The following RAB38 variants were observed in gnomAD, a reference collection of about 807,000 sequenced individuals.
The protein encoded by RAB38 is RAB38, member RAS oncogene family.
Under a neutral mutation model 18.4 loss-of-function variants are expected in RAB38, and 15 were observed. The ratio of observed to expected loss-of-function variants is 0.82; its 90% CI spans 0.55 to 1.26. The LOEUF (loss-of-function observed/expected upper bound fraction) is 1.26, where lower values mean the gene tolerates loss of function less well. Ranked by LOEUF, RAB38 falls within the 50% of genes most tolerant of loss-of-function variation. The probability of loss-of-function intolerance (pLI) is 0.00; values close to 1 mark genes in which losing one functional copy is unlikely to be tolerated. For missense variants in RAB38, 294 were observed against 267.4 expected, an observed-to-expected ratio of 1.10 and a Z score of -0.69; for synonymous variants, 101 against 104.4, an observed-to-expected ratio of 0.97 and a Z score of 0.20.
At chr11:87,928,546 GT>G in the RAB38 span, among the ~76,000 whole-genome samples, 6 of 151,546 alleles carry the variant, frequency 4.0e-5, no homozygotes, top group African/African-American at 1.2e-4. Context: ...AACTGCCGAG[GT>G]TTTTTTTAAG....
At chr11:87,973,277 C>T in the RAB38 span, among the ~76,000 whole-genome samples, 1 of 152,024 alleles carries the variant, frequency 6.6e-6, no homozygotes, top group Non-Finnish European at 1.5e-5. Context: ...TAAAAGACTA[C>T]TATAATAATT....
At chr11:87,907,694 A>T in the RAB38 span, among the ~76,000 whole-genome samples, 1 of 151,656 alleles carries the variant, frequency 6.6e-6, no homozygotes, top group Non-Finnish European at 1.5e-5. Context: ...TTTTAAAATT[A>T]GAACTGAATA....
chr11:88,154,415 C>T (rs1406424635), intron 1 of RAB38, among the ~76,000 whole-genome samples: 1 of 152,166 alleles, frequency 6.6e-6, no homozygotes, highest in East Asian at 1.9e-4. Context: ...AGGAGGAGGG[C>T]TGATAAAGCT....
chr11:88,174,165 G>A (rs1943346867), intron 1 of RAB38: 6 of 852,412 alleles, frequency 7.0e-6, no homozygotes, highest in Non-Finnish European at 8.5e-6. Flanking sequence ...ACTTAACAGC[G>A]ATGCAACTGA....
intron 2 of RAB38, among the ~76,000 whole-genome samples, chr11:88,119,180 G>C (rs1000980564): frequency 6.6e-6 from 1 of 151,866 alleles, no homozygotes; most frequent in South Asian, 2.1e-4. Flanking sequence ...CCTCCTTCCA[G>C]ACATTGATCT....
chr11:87,901,106 T>C, the RAB38 span, among the ~76,000 whole-genome samples: 2 of 151,538 alleles, frequency 1.3e-5, no homozygotes, highest in African/African-American at 2.4e-5. Context: ...TGGCTGCACA[T>C]TGGAATCAAT....
chr11:87,950,693 T>C, the RAB38 span, among the ~76,000 whole-genome samples: 1 of 152,230 alleles, frequency 6.6e-6, no homozygotes, highest in African/African-American at 2.4e-5. Flanking sequence ...TTCTTTTCTT[T>C]AAGAATCTTG....
At chr11:87,897,617 T>C in the RAB38 span, among the ~76,000 whole-genome samples, 5 of 151,608 alleles carry the variant, frequency 3.3e-5, no homozygotes, top group Non-Finnish European at 7.4e-5. Context: ...CAGATACACA[T>C]ATTTGCCTAA....
chr11:88,085,473 T>G, the RAB38 span, among the ~76,000 whole-genome samples: 1 of 151,938 alleles, frequency 6.6e-6, no homozygotes, highest in Non-Finnish European at 1.5e-5. Flanking sequence ...GCTCCAAACC[T>G]AATTATATTT....
At chr11:87,851,110 A>G in the RAB38 span, among the ~76,000 whole-genome samples, 1 of 152,304 alleles carries the variant, frequency 6.6e-6, no homozygotes, top group East Asian at 1.9e-4. Context: ...AAAAGTATAG[A>G]CAGTCTTTTA....
the RAB38 span, among the ~76,000 whole-genome samples, chr11:88,066,487 A>G: frequency 6.6e-6 from 1 of 152,308 alleles, no homozygotes; most frequent in African/African-American, 2.4e-5. Context: ...TATAAATGTA[A>G]ATATGCTGCT....
chr11:88,010,395 C>T, the RAB38 span, among the ~76,000 whole-genome samples: 6 of 152,062 alleles, frequency 3.9e-5, no homozygotes, highest in Admixed American at 2.6e-4. Context: ...GATGTGGTTG[C>T]CAGATGTATG....
the RAB38 span, chr11:87,815,635 G>A: frequency 1.3e-5 from 2 of 152,162 alleles, no homozygotes; most frequent in African/African-American, 4.8e-5. Flanking sequence ...TCATGTAACG[G>A]TGACTTTATC....
the RAB38 span, among the ~76,000 whole-genome samples, chr11:87,893,350 T>C: frequency 6.0e-5 from 7 of 116,594 alleles, no homozygotes; most frequent in South Asian, 2.7e-4. Flanking sequence ...CACACACACA[T>C]ATATATACCT....
chr11:87,959,203 G>A, the RAB38 span, among the ~76,000 whole-genome samples: 4 of 152,030 alleles, frequency 2.6e-5, no homozygotes, highest in South Asian at 2.1e-4. Flanking sequence ...GAAACATTCC[G>A]ACGCATTTAG....
At chr11:87,876,390 T>C in the RAB38 span, among the ~76,000 whole-genome samples, 9 of 151,728 alleles carry the variant, frequency 5.9e-5, no homozygotes, top group African/African-American at 1.9e-4. Context: ...ACAAGTGTCG[T>C]GGTCCAAAAG....
chr11:88,081,862 A>G, the RAB38 span, among the ~76,000 whole-genome samples: 1 of 151,930 alleles, frequency 6.6e-6, no homozygotes, highest in Non-Finnish European at 1.5e-5. Flanking sequence ...GAAAAGCCCA[A>G]TATCCTTCAA....
the RAB38 span, among the ~76,000 whole-genome samples, chr11:87,884,906 T>G: frequency 6.6e-6 from 1 of 151,962 alleles, no homozygotes; most frequent in Non-Finnish European, 1.5e-5. Flanking sequence ...CTGATCATTA[T>G]GGCCCTGGAT....
At chr11:87,880,734 T>G in the RAB38 span, among the ~76,000 whole-genome samples, 5 of 151,822 alleles carry the variant, frequency 3.3e-5, no homozygotes, top group Non-Finnish European at 7.4e-5. Context: ...AGAAACTACT[T>G]TTCTGTTTAA....
Sources: allele counts gnomAD v4.1 joint callset (sites outside exome capture counted in the v4.1 genomes callset), GRCh38; gene constraint gnomAD v4.1.1; transcripts MANE v1.5; gene names NCBI Gene and HGNC (gene_info 2026-07-23, HGNC 2026-07-21).